Variants in LRRTM4 observed in about 807,000 individuals in gnomAD.
The protein encoded by LRRTM4 is leucine-rich repeat transmembrane neuronal protein 4.
A neutral mutation model predicts 47.6 loss-of-function variants in LRRTM4; 25 were observed. The observed-to-expected ratio is 0.53, with a 90% CI of 0.38 to 0.73. The LOEUF (loss-of-function observed/expected upper bound fraction) is 0.73. Ranked by LOEUF, LRRTM4 falls within the 30% of genes least tolerant of loss-of-function variation. LRRTM4 has a pLI of 0.00. For synonymous variants in LRRTM4, 311 were observed against 269.5 expected, an observed-to-expected ratio of 1.15 and a Z score of -1.51; for missense variants, 638 against 713.4, an observed-to-expected ratio of 0.89 and a Z score of 1.20.
chr2:77,468,303 A>T (rs1429059896), intron 3 of LRRTM4, among the ~76,000 whole-genome samples: 1 of 152,154 alleles, frequency 6.6e-6, no homozygotes, highest in Non-Finnish European at 1.5e-5. Flanking sequence ...TTTTCAATAT[A>T]AGCACAGTAC....
intron 3 of LRRTM4, among the ~76,000 whole-genome samples, chr2:76,911,209 T>C (rs1172684210): frequency 6.6e-6 from 1 of 152,132 alleles, no homozygotes; most frequent in Non-Finnish European, 1.5e-5. Flanking sequence ...AAGGAAACCT[T>C]TGACAAGAAT....
Position 77,296,023 on chromosome 2 carries a change from C to T in LRRTM4, c.1551+222295G>A, listed in dbSNP as rs181258333. ...TCTTATTGTTTTACAAATTCTACAG[C>T]AAATATCTGAGTAGTTAATTCTTCG... On this transcript the variant is annotated intron_variant, in intron 3 of 3. Coordinates refer to ENST00000409884, the MANE Select transcript of LRRTM4 (RefSeq NM_001134745.3). 3.8e-3 allele frequency among the ~76,000 whole-genome samples: 571 copies of T among 152,226 alleles called. 4 individuals carry two copies. The highest frequency in any genetic ancestry group is 0.013 in the African/African-American group (529 of 41,552).
At chr2:76,897,555 A>C (rs1444548472) in intron 3 of LRRTM4, among the ~76,000 whole-genome samples, 2 of 152,138 alleles carry the variant, frequency 1.3e-5, no homozygotes, top group African/African-American at 4.8e-5. Context: ...GTGATGAAGG[A>C]AAAGAGAAAA....
intron 3 of LRRTM4, among the ~76,000 whole-genome samples, chr2:77,367,154 C>T (rs1672491465): frequency 6.6e-6 from 1 of 151,728 alleles, no homozygotes; most frequent in Admixed American, 6.6e-5. Context: ...TTGCCTTCGT[C>T]ACCTAATTAT....
chr2:76,883,600 A>C (rs142069724), intron 3 of LRRTM4, among the ~76,000 whole-genome samples: 2 of 152,296 alleles, frequency 1.3e-5, no homozygotes, highest in African/African-American at 4.8e-5. Flanking sequence ...GACTCCTGTT[A>C]GCAAACAAAA....
chr2:77,422,056 T>C lies in LRRTM4; in HGVS notation c.1551+96262A>G, dbSNP rs142145815. Among the ~76,000 whole-genome samples the C allele has an allele frequency of 8.5e-5, 13 of 152,310 alleles. No homozygotes were observed. The East Asian group carries it at 2.3e-3, about 27-fold the overall frequency. On this transcript the variant is annotated intron_variant, in intron 3 of 3. Coordinates refer to ENST00000409884, the MANE Select transcript of LRRTM4 (RefSeq NM_001134745.3). The stretch of plus-strand genomic sequence containing the variant: ...CTATATCGTATAGCCTATTATACCG[T>C]AGAGCTTATGCCTGTGGTAGGCTGT...
intron 3 of LRRTM4, among the ~76,000 whole-genome samples, chr2:77,134,594 C>T (rs1482981650): frequency 2.0e-5 from 3 of 152,102 alleles, no homozygotes; most frequent in Middle Eastern, 3.2e-3. Flanking sequence ...TTTCTTATAA[C>T]TAAAAAACAC....
At chr2:77,044,076 G>C (rs1208199295) in intron 3 of LRRTM4, among the ~76,000 whole-genome samples, 6 of 151,280 alleles carry the variant, frequency 4.0e-5, no homozygotes, top group Non-Finnish European at 3.0e-5. Flanking sequence ...AATAAATAAA[G>C]ACAAAAATTA....
chr2:77,483,118 CAAAAAAAAAAAAAAAAAAAAAAA>C (rs776265725), intron 3 of LRRTM4, among the ~76,000 whole-genome samples: 1 of 60,580 alleles, frequency 1.7e-5, no homozygotes, highest in Non-Finnish European at 2.8e-5. Context: ...AAGACTGTCT[CAAAAAAAAAAAAAAAAAAAAAAA>C]AAAAAAAAAA....
chr2:77,083,468 A>T (rs1203415935), intron 3 of LRRTM4, among the ~76,000 whole-genome samples: 1 of 152,154 alleles, frequency 6.6e-6, no homozygotes, highest in African/African-American at 2.4e-5. Flanking sequence ...TTCACCAACC[A>T]TTGATTTTAA....
chr2:76,952,537 G>A (rs1268346769), intron 3 of LRRTM4, among the ~76,000 whole-genome samples: 1 of 151,792 alleles, frequency 6.6e-6, no homozygotes, highest in Non-Finnish European at 1.5e-5. Context: ...CGTCAAAAAA[G>A]CAGAAATAAT....
At chr2:76,847,717 C>A (rs1390248831) in intron 3 of LRRTM4, among the ~76,000 whole-genome samples, 2 of 151,422 alleles carry the variant, frequency 1.3e-5, no homozygotes, top group Non-Finnish European at 2.9e-5. Context: ...TAGACACTCA[C>A]TTTTATTTTA....
intron 3 of LRRTM4, among the ~76,000 whole-genome samples, chr2:77,366,411 C>T (rs1045229664): frequency 9.9e-5 from 15 of 152,000 alleles, no homozygotes; most frequent in African/African-American, 3.6e-4. Flanking sequence ...TACTTCAAGG[C>T]TTATTCCTAA....
intron 3 of LRRTM4, among the ~76,000 whole-genome samples, chr2:77,182,473 G>A (rs1430946483): frequency 6.6e-6 from 1 of 151,990 alleles, no homozygotes; most frequent in African/African-American, 2.4e-5. Context: ...AATAGGTGCA[G>A]CAAACCACCA....
chr2:76,765,697 T>C (rs1235029044), intron 3 of LRRTM4, among the ~76,000 whole-genome samples: 1 of 152,218 alleles, frequency 6.6e-6, no homozygotes, highest in East Asian at 1.9e-4. Flanking sequence ...TTCCTTGCTA[T>C]CACCTTAAGC....
chr2:77,256,326 T>C (rs1675764466), intron 3 of LRRTM4, among the ~76,000 whole-genome samples: 1 of 152,132 alleles, frequency 6.6e-6, no homozygotes, highest in Non-Finnish European at 1.5e-5. Flanking sequence ...GTTGGTAAAC[T>C]ATACCAAACA....
rs551284325 is a variant in LRRTM4, at chr2:77,254,070, T to C, written c.1551+264248A>G. ...CACACACATACATCATACATACATA[T>C]ACACACAACTATATAGGTGTACACA... On this transcript the variant is annotated intron_variant, in intron 3 of 3. Coordinates refer to ENST00000409884, the MANE Select transcript of LRRTM4 (RefSeq NM_001134745.3). Among the ~76,000 whole-genome samples, 8 of 152,140 alleles carry C rather than the reference T, an allele frequency of 5.3e-5. No individual in the cohort carries two copies. The East Asian group carries it at 1.5e-3, about 29-fold the overall frequency.
At chr2:77,100,073 T>A (rs1038624736) in intron 3 of LRRTM4, among the ~76,000 whole-genome samples, 1 of 152,252 alleles carries the variant, frequency 6.6e-6, no homozygotes, top group South Asian at 2.1e-4. Flanking sequence ...TTAAGTAACA[T>A]GAAATGAATT....
Position 77,519,712 on chromosome 2 carries a change from C to G in LRRTM4, c.157G>C (p.Ala53Pro), listed in dbSNP as rs141419994. ...KIVYCESHAF[A>P]DIPENISGGS... ...CCAGAAATGTTCTCAGGGATATCTG[C>G]GAAAGCATGAGACTCACAGTACACA... is the stretch of plus-strand genomic sequence containing the variant. The change falls in exon 3 of 4, where the codon GCA (alanine) becomes CCA (proline). Residue 53 changes from alanine (A) to proline (P), a missense_variant. Ala to Pro is a conservative substitution (Grantham distance 27). Coordinates refer to ENST00000409884, the MANE Select transcript of LRRTM4 (RefSeq NM_001134745.3). This position sits in a 1 kb window ranked among gnomAD's most constrained non-coding sequence, Gnocchi z 4.6. The G allele has an allele frequency of 3.1e-6, 5 of 1,613,334 alleles. No individual in the cohort carries two copies. The highest frequency in any genetic ancestry group is 1.7e-5 in the Admixed American group (1 of 59,916).
Sources: gnomAD v4.1 joint callset for allele counts (sites outside exome capture counted in the v4.1 genomes callset) on GRCh38, gnomAD v4.1.1 for gene constraint, Gnocchi (gnomAD v3.1) non-coding constraint, MANE v1.5 for transcripts, NCBI Gene and HGNC (gene_info 2026-07-23, HGNC 2026-07-21) for gene names.